The following DLGAP2 variants were observed in gnomAD, a reference collection of about 807,000 sequenced individuals.
The protein encoded by DLGAP2 is DLG associated protein 2.
Under a neutral mutation model 100.3 loss-of-function variants are expected in DLGAP2, and 26 were observed. The ratio of observed to expected loss-of-function variants is 0.26; its 90% CI spans 0.19 to 0.36. DLGAP2 has a LOEUF of 0.36. Among genes scored for constraint, DLGAP2 ranks in the 10% least tolerant of loss-of-function variants. The pLI is 1.00. For synonymous variants in DLGAP2, 886 were observed against 630.1 expected (o/e 1.41, Z -6.08); for missense variants, 1,858 against 1,453.2 (o/e 1.28, Z -4.53).
intron 4 of DLGAP2, among the ~76,000 whole-genome samples, 165 bp from the exon 5 acceptor site, chr8:1,548,458 GAAA>G (rs773138776): frequency 0.078 from 3,242 of 41,314 alleles, 37 homozygotes; most frequent in South Asian, 0.21. Context: ...GACTGTCTCA[GAAA>G]AAAAAAAAAA....
At chr8:1,617,518 A>G (rs1291082614) in intron 6 of DLGAP2, among the ~76,000 whole-genome samples, 1 of 152,216 alleles carries the variant, frequency 6.6e-6, no homozygotes, top group African/African-American at 2.4e-5. Flanking sequence ...GGCCACATGT[A>G]TGTCTTCGTT....
intron 4 of DLGAP2, among the ~76,000 whole-genome samples, chr8:1,540,398 A>G (rs1326847942): frequency 2.0e-5 from 3 of 152,134 alleles, no homozygotes; most frequent in African/African-American, 7.2e-5. Flanking sequence ...TGCTTTGTAA[A>G]TTTTGTTTGA....
At chr8:1,212,115 G>C (rs962580455) in intron 2 of DLGAP2, among the ~76,000 whole-genome samples, 10 of 152,190 alleles carry the variant, frequency 6.6e-5, no homozygotes, top group Admixed American at 5.2e-4. Flanking sequence ...GTGACTCAGA[G>C]AATATCGAAT....
intron 1 of DLGAP2, among the ~76,000 whole-genome samples, chr8:821,250 A>T (rs1327653005): frequency 6.6e-6 from 1 of 152,206 alleles, no homozygotes; most frequent in Non-Finnish European, 1.5e-5. Flanking sequence ...ATAGCAGGCA[A>T]TGTTCAGCAG....
At chr8:811,303 C>A (rs1408404192) in intron 1 of DLGAP2, among the ~76,000 whole-genome samples, 5 of 152,236 alleles carry the variant, frequency 3.3e-5, no homozygotes, top group Admixed American at 2.6e-4. Context: ...TATCTGGGGG[C>A]CCTGCCAGGG....
intron 2 of DLGAP2, among the ~76,000 whole-genome samples, chr8:1,175,341 C>G (rs1403725790): frequency 1.3e-5 from 2 of 152,066 alleles, no homozygotes; most frequent in African/African-American, 4.8e-5. Flanking sequence ...TTCTGTGAAT[C>G]TCTGTAGCAC....
intron 2 of DLGAP2, among the ~76,000 whole-genome samples, chr8:1,106,452 A>G (rs1160241604): frequency 6.7e-6 from 1 of 148,456 alleles, no homozygotes; most frequent in Admixed American, 6.7e-5. Flanking sequence ...GAAGGAGGCC[A>G]TTCAAGGAGG....
At chr8:965,063 C>T (rs1302212702) in intron 2 of DLGAP2, among the ~76,000 whole-genome samples, 1 of 148,468 alleles carries the variant, frequency 6.7e-6, no homozygotes, top group African/African-American at 2.5e-5. Context: ...GCTCCTGAGT[C>T]TGACCCCGCA....
chr8:759,679 A>G (rs1821029046), intron 1 of DLGAP2, among the ~76,000 whole-genome samples: 1 of 152,170 alleles, frequency 6.6e-6, no homozygotes, highest in Non-Finnish European at 1.5e-5. Context: ...CGGTTTCCCC[A>G]TGTGACTCCC....
chr8:1,125,994 A>G (rs988564298), intron 2 of DLGAP2, among the ~76,000 whole-genome samples: 9 of 152,204 alleles, frequency 5.9e-5, no homozygotes, highest in African/African-American at 1.9e-4. Context: ...CTCCATGGAC[A>G]CTTCCGGCTC....
At chr8:1,275,927 ATAGTATATAAAT>A (rs1799681457) in intron 3 of DLGAP2, among the ~76,000 whole-genome samples, 1 of 123,808 alleles carries the variant, frequency 8.1e-6, no homozygotes, top group Non-Finnish European at 1.6e-5. Context: ...ATAAATATAT[ATAGTATATAAAT>A]ATATATAATA....
intron 1 of DLGAP2, among the ~76,000 whole-genome samples, chr8:840,565 C>T (rs1255995873): frequency 1.2e-3 from 86 of 74,748 alleles, no homozygotes; most frequent in Middle Eastern, 7.8e-3. Context: ...GCGAGCGCGT[C>T]CACACGGTGC....
At chr8:1,272,312 C>T (rs1430281239) in intron 3 of DLGAP2, among the ~76,000 whole-genome samples, 1 of 151,910 alleles carries the variant, frequency 6.6e-6, no homozygotes, top group African/African-American at 2.4e-5. Flanking sequence ...CATAGCGGGT[C>T]CAGAGTGTGC....
chr8:1,518,914 G>C (rs1800488818), intron 4 of DLGAP2, among the ~76,000 whole-genome samples: 1 of 152,182 alleles, frequency 6.6e-6, no homozygotes, highest in Non-Finnish European at 1.5e-5. Context: ...CAGTGCCCGT[G>C]CTTCTCCCTC....
At chr8:770,631 C>T (rs1237627635) in intron 1 of DLGAP2, among the ~76,000 whole-genome samples, 2 of 152,114 alleles carry the variant, frequency 1.3e-5, no homozygotes, top group Admixed American at 6.5e-5. Context: ...TCCTGTTTGG[C>T]CGAGGAAGAT....
chr8:1,111,666 C>G (rs1804962800), intron 2 of DLGAP2, among the ~76,000 whole-genome samples: 1 of 152,134 alleles, frequency 6.6e-6, no homozygotes, highest in Admixed American at 6.5e-5. Context: ...ATTTGTTTTT[C>G]TCTTCCTGGG....
chr8:1,028,134 C>T (rs34546254), intron 2 of DLGAP2, among the ~76,000 whole-genome samples: 1 of 40,002 alleles, frequency 2.5e-5, no homozygotes, highest in Admixed American at 2.8e-4. Context: ...TGGGGTGTCA[C>T]GCGCCCGTTA....
At chr8:1,155,874 C>A (rs751394997) in intron 2 of DLGAP2, among the ~76,000 whole-genome samples, 1 of 152,136 alleles carries the variant, frequency 6.6e-6, no homozygotes, top group Non-Finnish European at 1.5e-5. Context: ...AGGAAGGACG[C>A]GCTGTCTGCA....
At chr8:1,388,760 T>G (rs113635578) in intron 3 of DLGAP2, among the ~76,000 whole-genome samples, 353 of 48,828 alleles carry the variant, frequency 7.2e-3, no homozygotes, top group African/African-American at 0.022. Flanking sequence ...GAGAGGCAGA[T>G]GCCGTGGATG....
Sources: allele counts gnomAD v4.1 joint callset (sites outside exome capture counted in the v4.1 genomes callset), GRCh38; gene constraint gnomAD v4.1.1; transcripts MANE v1.5; gene names NCBI Gene and HGNC (gene_info 2026-07-23, HGNC 2026-07-21).